The following UBQLN1 variants were observed in gnomAD, a reference collection of about 807,000 sequenced individuals.
UBQLN1 encodes ubiquilin 1, also known as ubiquilin-1.
UBQLN1 carries 13 observed loss-of-function variants against 65.4 expected under a neutral mutation model. That is an observed-to-expected ratio of 0.20 (90% CI 0.13 to 0.32). UBQLN1 has a LOEUF of 0.32. Ranked by LOEUF, UBQLN1 falls within the 10% of genes least tolerant of loss-of-function variation. The pLI is 1.00. For synonymous variants in UBQLN1, 267 were observed against 247.8 expected, an observed-to-expected ratio of 1.08 and a Z score of -0.73; for missense variants, 561 against 724.0, an observed-to-expected ratio of 0.77 and a Z score of 2.58.
At chr9:83,683,974 T>C (rs959999384) in intron 2 of UBQLN1, among the ~76,000 whole-genome samples, 2 of 151,900 alleles carry the variant, frequency 1.3e-5, no homozygotes, top group African/African-American at 2.4e-5. Context: ...TGAGCCAAGA[T>C]TGCGCCACTG....
At chr9:83,676,271 TG>T (rs1370540451) in intron 6 of UBQLN1, among the ~76,000 whole-genome samples, 3 of 152,260 alleles carry the variant, frequency 2.0e-5, no homozygotes, top group African/African-American at 7.2e-5. Flanking sequence ...TTTCCCTTGA[TG>T]GAAATATTAA....
intron 1 of UBQLN1, among the ~76,000 whole-genome samples, chr9:83,689,392 G>A (rs1832090808): frequency 6.6e-6 from 1 of 152,140 alleles, no homozygotes; most frequent in Non-Finnish European, 1.5e-5. Flanking sequence ...CAGAGAAACT[G>A]ACAGACTAAA....
chr9:83,662,894 G>A (rs554285443), intron 10 of UBQLN1, among the ~76,000 whole-genome samples: 6 of 152,238 alleles, frequency 3.9e-5, no homozygotes, highest in Admixed American at 3.9e-4. Flanking sequence ...GGGCAACACG[G>A]TTGAAACCCC....
Position 83,703,421 on chromosome 9 carries a change from G to C in UBQLN1, c.180+4079C>G, listed in dbSNP as rs1587666254. On this transcript the variant is annotated intron_variant, in intron 1 of 10. Transcript: ENST00000376395. ...AAAATATTGTATAAAATTACCTTTAGGCTCTGTGCATAAAATGTACATGAA... is the reference window on the plus strand; with the variant it reads ...AAAATATTGTATAAAATTACCTTTACGCTCTGTGCATAAAATGTACATGAA... 2.0e-5 allele frequency among the ~76,000 whole-genome samples: 3 copies of C among 151,986 alleles called. No individual in the cohort carries two copies. The South Asian group carries it at 6.2e-4, about 32-fold the overall frequency.
chr9:83,689,337 T>G (rs1330250159), intron 1 of UBQLN1, among the ~76,000 whole-genome samples: 1 of 152,252 alleles, frequency 6.6e-6, no homozygotes, highest in African/African-American at 2.4e-5. Context: ...GCATTTGGGT[T>G]GTTTCTGCCT....
intron 6 of UBQLN1, among the ~76,000 whole-genome samples, 182 bp downstream of exon 6, chr9:83,677,545 A>G (rs1831855672): frequency 6.6e-6 from 1 of 151,856 alleles, no homozygotes; most frequent in African/African-American, 2.4e-5. Context: ...CTGTGCAACA[A>G]GAGCGAAGCT....
At chr9:83,676,999 C>G (rs1238552942) in intron 6 of UBQLN1, among the ~76,000 whole-genome samples, 1 of 152,196 alleles carries the variant, frequency 6.6e-6, no homozygotes, top group East Asian at 1.9e-4. Flanking sequence ...CTGCTTCACA[C>G]AAACACAGAT....
chr9:83,696,387 A>T (rs1169879580), intron 1 of UBQLN1, among the ~76,000 whole-genome samples: 1 of 152,142 alleles, frequency 6.6e-6, no homozygotes, highest in Non-Finnish European at 1.5e-5. Context: ...TCAAAATCAC[A>T]TTGTTAAAAT....
rs774851914 is a variant in UBQLN1, at chr9:83,682,939, A to G, written c.448+12T>C. 9 of 1,552,824 alleles carry G rather than the reference A, an allele frequency of 5.8e-6. No individual in the cohort carries two copies. The highest frequency in any genetic ancestry group is 1.1e-5 in the South Asian group (1 of 88,352). On this transcript the variant is annotated intron_variant, in intron 3 of 10. Coordinates refer to ENST00000376395, the MANE Select transcript of UBQLN1 (RefSeq NM_013438.5). Reference sequence around the variant, plus strand: ...TTTTCCCATCCCTACTGGAATGACTAAAGACACTTACCTAAACCAAAAGGG... The same window carrying G: ...TTTTCCCATCCCTACTGGAATGACTGAAGACACTTACCTAAACCAAAAGGG...
intron 1 of UBQLN1, among the ~76,000 whole-genome samples, chr9:83,687,910 G>T (rs1832065860): frequency 6.6e-6 from 1 of 152,116 alleles, no homozygotes; most frequent in African/African-American, 2.4e-5. Flanking sequence ...TTTTCCATCT[G>T]CATTCTTTCC....
At chr9:83,694,159 A>T (rs1587659012) in intron 1 of UBQLN1, among the ~76,000 whole-genome samples, 1 of 152,218 alleles carries the variant, frequency 6.6e-6, no homozygotes, top group East Asian at 1.9e-4. Context: ...GGGAGTTGGG[A>T]ATCAACCTAT....
chr9:83,661,989 G>A (rs1020718955), intron 10 of UBQLN1, 50 bp from the exon 11 acceptor site: 1 of 1,551,592 alleles, frequency 6.4e-7, no homozygotes, highest in South Asian at 1.2e-5. Context: ...GCCAGTCCCT[G>A]CCACACATGA....
chr9:83,707,351 C>A (rs896576560), intron 1 of UBQLN1, 149 bp downstream of exon 1: 1 of 890,850 alleles, frequency 1.1e-6, no homozygotes, highest in Non-Finnish European at 1.6e-6. Context: ...CGCAAACCCA[C>A]GAACTTGGGT....
intron 4 of UBQLN1, among the ~76,000 whole-genome samples, chr9:83,679,081 A>G (rs1195651892): frequency 6.6e-6 from 1 of 152,128 alleles, no homozygotes; most frequent in East Asian, 1.9e-4. Context: ...CAACAAACCA[A>G]AATAGAGCCA....
chr9:83,674,044 C>A (rs888853770), intron 6 of UBQLN1, among the ~76,000 whole-genome samples: 4 of 152,090 alleles, frequency 2.6e-5, no homozygotes, highest in African/African-American at 9.7e-5. Flanking sequence ...AGCAATCCAC[C>A]CACCTTGGCC....
intron 1 of UBQLN1, among the ~76,000 whole-genome samples, chr9:83,699,703 G>A (rs1298076339): frequency 6.6e-6 from 1 of 152,156 alleles, no homozygotes; most frequent in East Asian, 1.9e-4. Context: ...GAAGTGTTTT[G>A]ATGAACAAGA....
intron 6 of UBQLN1, among the ~76,000 whole-genome samples, chr9:83,672,840 G>C (rs979829855): frequency 6.6e-6 from 1 of 152,198 alleles, no homozygotes; most frequent in Admixed American, 6.5e-5. Context: ...AACAAAATGA[G>C]GTATATCTGT....
At chr9:83,693,979 A>T (rs1333172131) in intron 1 of UBQLN1, among the ~76,000 whole-genome samples, 2 of 152,226 alleles carry the variant, frequency 1.3e-5, no homozygotes, top group Non-Finnish European at 2.9e-5. Context: ...AAGACATTCA[A>T]ATATTGCTAA....
At chr9:83,686,211 CTA>C in intron 1 of UBQLN1, 56 bp from the exon 2 acceptor site, 1 of 1,205,086 alleles carries the variant, frequency 8.3e-7, no homozygotes, top group South Asian at 1.5e-5. Context: ...ACCATACAGT[CTA>C]GTTTCTACAG....
Sources: allele counts gnomAD v4.1 joint callset (sites outside exome capture counted in the v4.1 genomes callset), GRCh38; gene constraint gnomAD v4.1.1; transcripts MANE v1.5; gene names NCBI Gene and HGNC (gene_info 2026-07-23, HGNC 2026-07-21).